MSRA: variants seen among roughly 807,000 people sequenced by gnomAD.
The protein encoded by MSRA is mitochondrial peptide methionine sulfoxide reductase.
In MSRA, 54 loss-of-function variants were observed where a neutral mutation model predicts 31.3. The observed-to-expected ratio is 1.73, with a 90% CI of 1.39 to 2.17. The LOEUF (loss-of-function observed/expected upper bound fraction) is 2.17. Among genes scored for constraint, MSRA ranks in the 30% most tolerant of loss-of-function variants. MSRA has a pLI of 0.00. For synonymous variants in MSRA, 169 were observed against 116.5 expected (o/e 1.45, Z -2.90); for missense variants, 507 against 300.9 (o/e 1.69, Z -5.07).
At chr8:10,305,166 A>G (rs947293813) in intron 4 of MSRA, among the ~76,000 whole-genome samples, 3 of 152,214 alleles carry the variant, frequency 2.0e-5, no homozygotes, top group African/African-American at 7.2e-5. Context: ...TGCATTTTAT[A>G]GGAGAAGCAG....
chr8:10,320,058 G>C (rs756207043), intron 5 of MSRA, 69 bp downstream of exon 5: 1 of 959,404 alleles, frequency 1.0e-6, no homozygotes, highest in East Asian at 2.7e-5. Context: ...TGATTTTAGA[G>C]GGCAGTCTGC....
At chr8:10,101,829 A>G (rs1471942156) in intron 1 of MSRA, among the ~76,000 whole-genome samples, 1 of 152,200 alleles carries the variant, frequency 6.6e-6, no homozygotes, top group Non-Finnish European at 1.5e-5. Flanking sequence ...GGCTGTTGTG[A>G]ATAATGGTGC....
intron 5 of MSRA, among the ~76,000 whole-genome samples, chr8:10,336,566 G>A (rs1803058832): frequency 6.6e-6 from 1 of 152,046 alleles, no homozygotes; most frequent in South Asian, 2.1e-4. Context: ...TGGAATAAGT[G>A]AGGAAAGAGA....
intron 1 of MSRA, among the ~76,000 whole-genome samples, chr8:10,055,894 T>C (rs900933286): frequency 6.6e-6 from 1 of 152,176 alleles, no homozygotes; most frequent in Non-Finnish European, 1.5e-5. Flanking sequence ...AGTTTCTGTT[T>C]CCTGGTTTCC....
At chr8:10,225,486 C>G (rs1810914469) in intron 2 of MSRA, among the ~76,000 whole-genome samples, 1 of 152,172 alleles carries the variant, frequency 6.6e-6, no homozygotes. Context: ...GAATCACGTT[C>G]TTTACATTGT....
intron 5 of MSRA, among the ~76,000 whole-genome samples, chr8:10,415,797 G>A (rs1585729367): frequency 6.6e-6 from 1 of 151,596 alleles, no homozygotes; most frequent in Non-Finnish European, 1.5e-5. Context: ...AGTTTCTTCT[G>A]CTTGGAGCAT....
intron 5 of MSRA, among the ~76,000 whole-genome samples, chr8:10,410,723 G>A (rs866737352): frequency 6.6e-6 from 1 of 152,182 alleles, no homozygotes; most frequent in Non-Finnish European, 1.5e-5. Flanking sequence ...ATTTTAAGGA[G>A]TGTTTGATAC....
Position 10,363,968 on chromosome 8 carries a change from T to A in MSRA, c.543+43979T>A, listed in dbSNP as rs537062275. 3.9e-5 allele frequency among the ~76,000 whole-genome samples: 6 copies of A among 152,074 alleles called. No individual in the cohort carries two copies. In the East Asian group the frequency reaches 7.8e-4, roughly 20 times the overall value. The stretch of plus-strand genomic sequence containing the variant: ...AAACAAAAAACAAAAGAAGAACACA[T>A]GTATTTACCTAACTGAGGGTGGGAG... On this transcript the variant is annotated intron_variant, in intron 5 of 5. Coordinates refer to ENST00000317173, the MANE Select transcript of MSRA (RefSeq NM_012331.5).
intron 1 of MSRA, among the ~76,000 whole-genome samples, chr8:10,089,619 A>C (rs779542475): frequency 6.6e-6 from 1 of 152,200 alleles, no homozygotes; most frequent in Non-Finnish European, 1.5e-5. Flanking sequence ...TTGAGGCTGG[A>C]TAATTTATAC....
At chr8:10,388,881 C>A (rs1806560976) in intron 5 of MSRA, among the ~76,000 whole-genome samples, 1 of 151,638 alleles carries the variant, frequency 6.6e-6, no homozygotes, top group Admixed American at 6.6e-5. Context: ...GCCACTGCTA[C>A]CCTGGTTGTG....
chr8:10,062,574 T>C (rs1797260074), intron 1 of MSRA, among the ~76,000 whole-genome samples: 1 of 152,180 alleles, frequency 6.6e-6, no homozygotes, highest in Admixed American at 6.5e-5. Flanking sequence ...AGGGTTCCTC[T>C]GAGCAGTATC....
chr8:10,200,800 C>T (rs759831768), intron 1 of MSRA, among the ~76,000 whole-genome samples: 14 of 152,186 alleles, frequency 9.2e-5, no homozygotes, highest in Non-Finnish European at 1.8e-4. Flanking sequence ...AACCTCAGTG[C>T]CCCTGGGCAT....
intron 1 of MSRA, among the ~76,000 whole-genome samples, chr8:10,077,339 G>C (rs771413073): frequency 1.3e-5 from 2 of 152,138 alleles, no homozygotes; most frequent in Non-Finnish European, 2.9e-5. Flanking sequence ...GGTTCAAAAG[G>C]GGTAGGGTTT....
chr8:10,084,307 G>A (rs559236852), intron 1 of MSRA, among the ~76,000 whole-genome samples: 1 of 152,364 alleles, frequency 6.6e-6, no homozygotes, highest in East Asian at 1.9e-4. Flanking sequence ...CTGGGCAGGG[G>A]CCCAGCTCCT....
intron 5 of MSRA, among the ~76,000 whole-genome samples, chr8:10,419,244 C>T (rs1194693513): frequency 6.6e-6 from 1 of 152,176 alleles, no homozygotes; most frequent in Non-Finnish European, 1.5e-5. Flanking sequence ...ATCCTGGGGG[C>T]TTCCTTATCC....
intron 5 of MSRA, among the ~76,000 whole-genome samples, chr8:10,351,752 C>A (rs373610899): frequency 2.6e-5 from 4 of 152,278 alleles, no homozygotes; most frequent in African/African-American, 7.2e-5. Context: ...GAAGGCAGTA[C>A]TTCTCAAACT....
At chr8:10,235,701 T>C (rs983453560) in intron 2 of MSRA, among the ~76,000 whole-genome samples, 1 of 152,080 alleles carries the variant, frequency 6.6e-6, no homozygotes, top group Admixed American at 6.5e-5. Flanking sequence ...CTCTCCAAAG[T>C]CCAGGTGCTT....
At chr8:10,288,798 C>G (rs1439245339) in intron 3 of MSRA, among the ~76,000 whole-genome samples, 3 of 152,186 alleles carry the variant, frequency 2.0e-5, no homozygotes, top group African/African-American at 7.2e-5. Flanking sequence ...AAATAATGTA[C>G]TATCCAAGTT....
Position 10,262,554 on chromosome 8 carries a change from T to A in MSRA, c.331+17331T>A, listed in dbSNP as rs551863381. Among the ~76,000 whole-genome samples the A allele has an allele frequency of 2.6e-5, 4 of 152,370 alleles. No homozygotes were observed. The South Asian group carries it at 8.3e-4, about 32-fold the overall frequency. ...GGTGGCTATTCAGATCTTTTGCCCA[T>A]TTTTTATTTGGGTTGTTGTTTTCTT... On this transcript the variant is annotated intron_variant, in intron 3 of 5. Transcript: ENST00000317173.
Sources: allele counts gnomAD v4.1 joint callset (sites outside exome capture counted in the v4.1 genomes callset), GRCh38; gene constraint gnomAD v4.1.1; transcripts MANE v1.5; gene names NCBI Gene and HGNC (gene_info 2026-07-23, HGNC 2026-07-21).